The following UST variants were observed in gnomAD, a reference collection of about 807,000 sequenced individuals.
The protein encoded by UST is uronyl 2-sulfotransferase.
Under a neutral mutation model 45.6 loss-of-function variants are expected in UST, and 21 were observed. The ratio of observed to expected loss-of-function variants is 0.46; its 90% CI spans 0.33 to 0.66. The LOEUF (loss-of-function observed/expected upper bound fraction) is 0.66. Ranked by LOEUF, UST falls within the 30% of genes least tolerant of loss-of-function variation. UST has a pLI of 0.02. For missense variants in UST, 463 were observed against 512.4 expected, an observed-to-expected ratio of 0.90 and a Z score of 0.93; for synonymous variants, 215 against 200.6, an observed-to-expected ratio of 1.07 and a Z score of -0.61.
intron 7 of UST, among the ~76,000 whole-genome samples, chr6:149,043,017 T>TTCTTTCTTTCTTTC (rs1776344198): frequency 7.4e-6 from 1 of 135,522 alleles, no homozygotes; most frequent in Non-Finnish European, 1.5e-5. Context: ...CTTTCTTTCT[T>TTCTTTCTTTCTTTC]TCTTTTTCTT....
intron 5 of UST, chr6:149,005,656 C>G: frequency 1.0e-6 from 1 of 962,298 alleles, no homozygotes; most frequent in Non-Finnish European, 1.2e-6. Context: ...TCTTAAAGGA[C>G]TGATTTCCAC....
At chr6:148,935,784 T>G (rs1234460525) in intron 2 of UST, among the ~76,000 whole-genome samples, 1 of 152,220 alleles carries the variant, frequency 6.6e-6, no homozygotes, top group Non-Finnish European at 1.5e-5. Context: ...TGCCACCTTC[T>G]TCTCCAATTA....
At chr6:148,816,975 A>C (rs1382087341) in intron 1 of UST, among the ~76,000 whole-genome samples, 1 of 152,174 alleles carries the variant, frequency 6.6e-6, no homozygotes, top group Non-Finnish European at 1.5e-5. Context: ...GCACTGTAAG[A>C]GTTAACAGGG....
At chr6:148,967,062 T>A (rs925414795) in intron 5 of UST, among the ~76,000 whole-genome samples, 2 of 152,086 alleles carry the variant, frequency 1.3e-5, no homozygotes, top group African/African-American at 4.8e-5. Context: ...TTTAAAAAGG[T>A]CATAAAATAT....
At chr6:148,761,147 T>C (rs1296600495) in intron 1 of UST, among the ~76,000 whole-genome samples, 1 of 152,236 alleles carries the variant, frequency 6.6e-6, no homozygotes, top group Admixed American at 6.5e-5. Flanking sequence ...CCCAGCGGGC[T>C]GGCTGGAACC....
At chr6:148,878,420 G>T in intron 1 of UST, among the ~76,000 whole-genome samples, 1 of 111,192 alleles carries the variant, frequency 9.0e-6, no homozygotes, top group Non-Finnish European at 1.8e-5. Context: ...TGAGTGGGGG[G>T]GTCGTGTATG....
intron 1 of UST, among the ~76,000 whole-genome samples, chr6:148,853,897 C>T (rs1015702540): frequency 6.6e-6 from 1 of 152,168 alleles, no homozygotes; most frequent in African/African-American, 2.4e-5. Context: ...ACTTCCCTAC[C>T]CCCTGCATAC....
At chr6:148,841,064 A>G (rs1777878429) in intron 1 of UST, among the ~76,000 whole-genome samples, 1 of 151,658 alleles carries the variant, frequency 6.6e-6, no homozygotes. Flanking sequence ...AAAACCCAAC[A>G]AAAACAAAAT....
chr6:149,067,732 A>T (rs1421532904), intron 7 of UST, among the ~76,000 whole-genome samples: 1 of 152,214 alleles, frequency 6.6e-6, no homozygotes, highest in African/African-American at 2.4e-5. Context: ...ATGTCAATGT[A>T]GGGGGCTCTG....
intron 7 of UST, among the ~76,000 whole-genome samples, chr6:149,048,191 A>AT (rs1776421673): frequency 6.6e-6 from 1 of 150,586 alleles, no homozygotes; most frequent in African/African-American, 2.4e-5. Context: ...TTTTGGGGGG[A>AT]TGGGGTTTTG....
intron 1 of UST, among the ~76,000 whole-genome samples, chr6:148,801,661 C>G (rs915316084): frequency 1.1e-4 from 16 of 152,132 alleles, no homozygotes; most frequent in African/African-American, 3.9e-4. Context: ...AACTTCCAAG[C>G]TCCTGGTTTC....
chr6:149,031,794 G>A (rs925771338), intron 7 of UST, among the ~76,000 whole-genome samples: 38 of 152,318 alleles, frequency 2.5e-4, no homozygotes, highest in African/African-American at 9.1e-4. Flanking sequence ...TCCTGGGGAA[G>A]GGCAGTATAA....
intron 5 of UST, chr6:148,992,970 A>G (rs1262555796): frequency 1.4e-4 from 142 of 983,908 alleles, no homozygotes; most frequent in Non-Finnish European, 1.7e-4. Context: ...ACTGAAATAC[A>G]TTTCTATCCA....
At chr6:148,941,220 A>C in intron 2 of UST, 59 bp from the exon 3 acceptor site, 3 of 1,585,822 alleles carry the variant, frequency 1.9e-6, no homozygotes, top group Non-Finnish European at 2.6e-6. Flanking sequence ...AATTGAGGGA[A>C]GAATCCTAAG....
At position 148,934,606 on chromosome 6, in the gene UST, G is replaced by A. The variant is rs1008042527; in HGVS notation, c.292-6673G>A. ...CCAGGAAGACACAACAGTGCCCTTC[G>A]CCCCAACTCCTCTCCAGGATCACGC... On this transcript the variant is annotated intron_variant, in intron 2 of 7. Coordinates refer to ENST00000367463, the MANE Select transcript of UST (RefSeq NM_005715.3). The surrounding 1 kb of genome is among the most constrained non-coding windows in gnomAD (Gnocchi z 4.1). Among the ~76,000 whole-genome samples the A allele has an allele frequency of 7.2e-5, 11 of 152,040 alleles. No individual in the cohort carries two copies. The highest frequency in any genetic ancestry group is 1.9e-4 in the African/African-American group (8 of 41,402).
rs1054240035 is a variant in UST at position 148,876,408 on chromosome 6, CTG to C, written c.248-10575_248-10574del. 2.8e-4 allele frequency among the ~76,000 whole-genome samples: 43 copies of C among 152,300 alleles called. 1 individual carries two copies. Among genetic ancestry groups the C allele is most frequent in the African/African-American group, 9.4e-4 (39 of 41,554 alleles). Reference sequence around the variant, plus strand: ...ATCAATATATTTAATTATCTTAACTCTGTGACTTACTGTCCTCAAGTTGTAAA... The same window carrying C: ...ATCAATATATTTAATTATCTTAACTCTGACTTACTGTCCTCAAGTTGTAAA... On this transcript the variant is annotated intron_variant, in intron 1 of 7. Transcript: ENST00000367463.
In UST at chr6:148,941,161, A is replaced by G. The variant is rs905790332; in HGVS notation, c.292-118A>G. On this transcript the variant is annotated intron_variant, in intron 2 of 7. Transcript: ENST00000367463. ...ATACATCCTTTTTATTAATCTGATT[A>G]TAGGCCTTTTTCACTCAGATTTATT... 110 of 1,148,906 alleles carry G rather than the reference A, an allele frequency of 9.6e-5. 1 individual carries two copies. Among genetic ancestry groups the G allele is most frequent in the Non-Finnish European group, 1.3e-4 (100 of 786,344 alleles). 71.2% of individuals were successfully genotyped at this position (1,148,906 alleles called of 1,614,324 possible). A position where few individuals can be genotyped will look rare whatever the true frequency, so the allele number is the denominator to read the frequency against.
rs542856954 is a variant in UST at position 148,866,124 on chromosome 6, G to C, written c.248-20862G>C. On this transcript the variant is annotated intron_variant, in intron 1 of 7. Coordinates refer to ENST00000367463, the MANE Select transcript of UST (RefSeq NM_005715.3). ...CCCTGCTTTTTTCCATGACAATATT[G>C]ATTATTTTATAATCAATATTTAGTG... is the stretch of plus-strand genomic sequence containing the variant. 7.5e-4 allele frequency among the ~76,000 whole-genome samples: 106 copies of C among 141,120 alleles called. 1 individual carries two copies. Among genetic ancestry groups the C allele is most frequent in the African/African-American group, 2.7e-3 (102 of 37,392 alleles). The allele number at this position is 141,120 out of a possible 152,430, so 92.6% of individuals were successfully genotyped here.
chr6:148,821,260 C>T (rs1230791001), intron 1 of UST, among the ~76,000 whole-genome samples: 17 of 152,008 alleles, frequency 1.1e-4, no homozygotes, highest in Admixed American at 6.5e-5. Flanking sequence ...CATGAGCCAC[C>T]GCACCTGGCT....
Sources: gnomAD v4.1 joint callset for allele counts (sites outside exome capture counted in the v4.1 genomes callset) on GRCh38, gnomAD v4.1.1 for gene constraint, Gnocchi (gnomAD v3.1) non-coding constraint, MANE v1.5 for transcripts, NCBI Gene and HGNC (gene_info 2026-07-23, HGNC 2026-07-21) for gene names.